CNTN5: variants seen among roughly 807,000 people sequenced by gnomAD.
CNTN5 encodes the protein contactin 5, also known as contactin-5.
CNTN5 carries 77 observed loss-of-function variants against 129.1 expected under a neutral mutation model. The observed-to-expected ratio is 0.60, with a 90% CI of 0.50 to 0.72. The LOEUF (loss-of-function observed/expected upper bound fraction) is 0.72, where lower values mean the gene tolerates loss of function less well. Among genes scored for constraint, CNTN5 ranks in the 30% least tolerant of loss-of-function variants. The pLI is 0.00. For missense variants in CNTN5, 1,478 were observed against 1,328.8 expected (o/e 1.11, Z -1.75); for synonymous variants, 509 against 465.6 (o/e 1.09, Z -1.20).
At chr11:100,124,734 CAA>C (rs1426491419) in intron 13 of CNTN5, among the ~76,000 whole-genome samples, 1 of 151,926 alleles carries the variant, frequency 6.6e-6, no homozygotes, top group Non-Finnish European at 1.5e-5. Context: ...TGAAAGGGAA[CAA>C]AAGAGAGTGG....
intron 3 of CNTN5, among the ~76,000 whole-genome samples, chr11:99,773,238 T>C (rs1945004987): frequency 1.3e-5 from 2 of 152,240 alleles, no homozygotes; most frequent in South Asian, 4.1e-4. Flanking sequence ...TTAAAAGATG[T>C]TGGCCTGAGG....
chr11:99,300,886 G>T (rs967417101), intron 1 of CNTN5, among the ~76,000 whole-genome samples: 1 of 151,862 alleles, frequency 6.6e-6, no homozygotes, highest in African/African-American at 2.4e-5. Context: ...TATTCAAAAA[G>T]ACAATTTCAT....
At chr11:99,774,435 C>G (rs557524755) in intron 3 of CNTN5, among the ~76,000 whole-genome samples, 39 of 150,218 alleles carry the variant, frequency 2.6e-4, no homozygotes, top group African/African-American at 9.5e-4. Flanking sequence ...CTCATGAGAT[C>G]TTAAAGATAG....
chr11:99,799,284 G>A (rs1481191575), intron 3 of CNTN5, among the ~76,000 whole-genome samples: 1 of 151,384 alleles, frequency 6.6e-6, no homozygotes, highest in Non-Finnish European at 1.5e-5. Context: ...CCAGTATTAT[G>A]TTAAATAGGA....
intron 3 of CNTN5, among the ~76,000 whole-genome samples, chr11:99,584,390 G>A (rs2135635808): frequency 6.6e-6 from 1 of 152,250 alleles, no homozygotes; most frequent in East Asian, 1.9e-4. Context: ...ACAGACAGAA[G>A]GACCTTGGAG....
chr11:100,070,043 C>G lies in CNTN5; in HGVS notation c.1163-381C>G, dbSNP rs564968576. Among the ~76,000 whole-genome samples, 13 of 151,800 alleles carry G rather than the reference C, an allele frequency of 8.6e-5. No homozygotes were observed. The South Asian group carries it at 2.7e-3, about 32-fold the overall frequency. ...GAGATAGAAACAAGTTGAGTAGATACACTGTATATTTCTACCCGTGCTAAT... is the reference window on the plus strand; with the variant it reads ...GAGATAGAAACAAGTTGAGTAGATAGACTGTATATTTCTACCCGTGCTAAT... On this transcript the variant is annotated intron_variant, in intron 10 of 24. Coordinates refer to ENST00000524871, the MANE Select transcript of CNTN5 (RefSeq NM_014361.4).
intron 23 of CNTN5, among the ~76,000 whole-genome samples, chr11:100,347,949 A>C (rs1170866450): frequency 6.6e-6 from 1 of 152,034 alleles, no homozygotes; most frequent in Non-Finnish European, 1.5e-5. Flanking sequence ...ACTACCATCA[A>C]ACATATAGAA....
chr11:99,136,905 C>A (rs371210404), intron 1 of CNTN5, among the ~76,000 whole-genome samples: 1 of 151,990 alleles, frequency 6.6e-6, no homozygotes, highest in Non-Finnish European at 1.5e-5. Flanking sequence ...CTGAATTAGA[C>A]TCCCATATGG....
At chr11:99,919,369 T>C (rs1949877361) in intron 7 of CNTN5, among the ~76,000 whole-genome samples, 1 of 152,156 alleles carries the variant, frequency 6.6e-6, no homozygotes, top group Non-Finnish European at 1.5e-5. Context: ...TCCATCAACA[T>C]GGAAACCTGC....
At chr11:99,890,081 C>G (rs1949017980) in intron 6 of CNTN5, among the ~76,000 whole-genome samples, 1 of 152,002 alleles carries the variant, frequency 6.6e-6, no homozygotes, top group African/African-American at 2.4e-5. Flanking sequence ...TACTCATGGA[C>G]AGGAAATCAG....
At chr11:100,116,039 T>C (rs557733550) in intron 13 of CNTN5, among the ~76,000 whole-genome samples, 35 of 152,040 alleles carry the variant, frequency 2.3e-4, no homozygotes, top group Non-Finnish European at 4.6e-4. Context: ...GAACCACCTC[T>C]TCCTGCCTTT....
At chr11:100,039,293 G>A (rs1292234197) in intron 9 of CNTN5, among the ~76,000 whole-genome samples, 2 of 152,086 alleles carry the variant, frequency 1.3e-5, no homozygotes, top group African/African-American at 4.8e-5. Context: ...GTTGAATATT[G>A]GCCCCCACTC....
intron 7 of CNTN5, among the ~76,000 whole-genome samples, chr11:99,924,306 A>AT (rs1248754000): frequency 7.3e-5 from 11 of 151,360 alleles, no homozygotes; most frequent in South Asian, 2.1e-4. Flanking sequence ...ACTTAGTCAT[A>AT]TTTTTTTTGC....
At chr11:99,540,940 A>G (rs1948083337) in intron 2 of CNTN5, among the ~76,000 whole-genome samples, 1 of 152,092 alleles carries the variant, frequency 6.6e-6, no homozygotes, top group Non-Finnish European at 1.5e-5. Context: ...TCTGTAGCCC[A>G]ATGACTGCCA....
chr11:99,709,085 C>G (rs1157220878), intron 3 of CNTN5, among the ~76,000 whole-genome samples: 1 of 151,794 alleles, frequency 6.6e-6, no homozygotes, highest in South Asian at 2.1e-4. Flanking sequence ...AAATGACATG[C>G]AAATTTCTTA....
rs1433822241 is a variant in CNTN5 at position 99,097,974 on chromosome 11, A to T, written c.-210+76704A>T. Among the ~76,000 whole-genome samples the T allele has an allele frequency of 1.3e-5, 2 of 152,034 alleles. 1 individual carries two copies. The highest frequency in any genetic ancestry group is 6.4e-3 in the Middle Eastern group (2 of 312). ...TAGGTGGGAATTATACTCCTTATAT[A>T]ATTTCTGAGCGAAAAAAAACTAAAT... On this transcript the variant is annotated intron_variant, in intron 1 of 24. Transcript: ENST00000524871.
chr11:99,632,392 C>A (rs1951392627), intron 3 of CNTN5, among the ~76,000 whole-genome samples: 1 of 151,980 alleles, frequency 6.6e-6, no homozygotes, highest in African/African-American at 2.4e-5. Flanking sequence ...TCATTTTTCC[C>A]ATTTCACAGC....
At chr11:99,053,506 T>C (rs977957975) in intron 1 of CNTN5, among the ~76,000 whole-genome samples, 3 of 151,964 alleles carry the variant, frequency 2.0e-5, no homozygotes, top group African/African-American at 4.8e-5. Flanking sequence ...TATGAGCTGA[T>C]TGATACAGCT....
intron 2 of CNTN5, among the ~76,000 whole-genome samples, chr11:99,508,888 C>T (rs1198759710): frequency 6.6e-6 from 1 of 151,918 alleles, no homozygotes; most frequent in African/African-American, 2.4e-5. Context: ...ACCAGATTGG[C>T]CAGGCTGGTT....
Sources: gnomAD v4.1 joint callset for allele counts (sites outside exome capture counted in the v4.1 genomes callset) on GRCh38, gnomAD v4.1.1 for gene constraint, MANE v1.5 for transcripts, NCBI Gene and HGNC (gene_info 2026-07-23, HGNC 2026-07-21) for gene names.